The following ZNF589 variants were observed in gnomAD, a reference collection of about 807,000 sequenced individuals.
The protein encoded by ZNF589 is KRAB-zinc finger protein SZF1-1.
ZNF589 carries 17 observed loss-of-function variants against 13.6 expected under a neutral mutation model. That is an observed-to-expected ratio of 1.25 (90% CI 0.86 to 1.88). The LOEUF is 1.88. Ranked by LOEUF, ZNF589 falls within the 40% of genes most tolerant of loss-of-function variation. The pLI is 0.00. For missense variants in ZNF589, 407 were observed against 434.0 expected, an observed-to-expected ratio of 0.94 and a Z score of 0.55; for synonymous variants, 148 against 161.6, an observed-to-expected ratio of 0.92 and a Z score of 0.64.
At chr3:48,244,310 C>T (rs750006965) in intron 1 of ZNF589, among the ~76,000 whole-genome samples, 2 of 148,882 alleles carry the variant, frequency 1.3e-5, no homozygotes, top group African/African-American at 2.6e-5. Context: ...CTCAGTTTTT[C>T]TTCTTCTAAA....
chr3:48,242,692 T>C (rs1201407182), intron 1 of ZNF589, among the ~76,000 whole-genome samples: 1 of 152,210 alleles, frequency 6.6e-6, no homozygotes, highest in Non-Finnish European at 1.5e-5. Flanking sequence ...GGTCTGCTGT[T>C]GTGTGAAAGC....
rs573143095 is a variant in ZNF589, at chr3:48,260,175, T to G, written c.97-638T>G. On this transcript the variant is annotated intron_variant, in intron 2 of 3. Coordinates refer to ENST00000354698, the MANE Select transcript of ZNF589 (RefSeq NM_016089.3). Reference sequence around the variant, plus strand: ...TTTTTGAGACAGGGTCTCGCTCTGGTCACCCAGGCTGGAGTGCAATGGTGC... The same window carrying G: ...TTTTTGAGACAGGGTCTCGCTCTGGGCACCCAGGCTGGAGTGCAATGGTGC... Among the ~76,000 whole-genome samples the G allele has an allele frequency of 3.3e-5, 5 of 152,284 alleles. No individual in the cohort carries two copies. The South Asian group carries it at 1.0e-3, about 32-fold the overall frequency.
At chr3:48,244,766 C>T (rs1324890145) in intron 1 of ZNF589, among the ~76,000 whole-genome samples, 1 of 150,712 alleles carries the variant, frequency 6.6e-6, no homozygotes, top group Non-Finnish European at 1.5e-5. Flanking sequence ...AGTAACTGCA[C>T]TATTACTCTG....
intron 2 of ZNF589, 102 bp downstream of exon 2, chr3:48,247,779 A>G: frequency 1.5e-6 from 2 of 1,332,448 alleles, no homozygotes; most frequent in South Asian, 2.6e-5. Flanking sequence ...TTAACATTTA[A>G]GTGGTTTATG....
intron 1 of ZNF589, among the ~76,000 whole-genome samples, chr3:48,243,627 C>G (rs1485205178): frequency 6.6e-6 from 1 of 152,026 alleles, no homozygotes; most frequent in Non-Finnish European, 1.5e-5. Context: ...GCCTGGCCAA[C>G]ATAGTGAACC....
At chr3:48,259,972 T>C (rs1345967590) in intron 2 of ZNF589, among the ~76,000 whole-genome samples, 1 of 150,336 alleles carries the variant, frequency 6.7e-6, no homozygotes, top group East Asian at 2.0e-4. Flanking sequence ...GGAATACCCA[T>C]AGGCTGAAGC....
rs775296801 is a variant in ZNF589, at chr3:48,247,598, C to T, written c.44-27C>T. 3 of 1,610,988 alleles carry T rather than the reference C, an allele frequency of 1.9e-6. No homozygotes were observed. In the Admixed American group the frequency reaches 5.0e-5, roughly 27 times the overall value. On this transcript the variant is annotated intron_variant, in intron 1 of 3. Transcript: ENST00000354698. ...ATGATGGGCCTGGTAGGGCTGGCTT[C>T]TCAAGGTTGCTTCTTTCTTTCCCCA...
intron 2 of ZNF589, among the ~76,000 whole-genome samples, chr3:48,248,649 C>T (rs971469297): frequency 3.3e-5 from 5 of 152,134 alleles, no homozygotes; most frequent in African/African-American, 1.2e-4. Flanking sequence ...TTGTTAAATT[C>T]ACTGTCCTTA....
At chr3:48,263,685 G>A (rs549929874) in intron 3 of ZNF589, among the ~76,000 whole-genome samples, 2 of 152,122 alleles carry the variant, frequency 1.3e-5, no homozygotes, top group South Asian at 2.1e-4. Flanking sequence ...CTTGAACCCC[G>A]GAGGCGGAGG....
intron 2 of ZNF589, chr3:48,257,982 C>G: frequency 2.3e-6 from 1 of 443,578 alleles, no homozygotes; most frequent in Non-Finnish European, 4.5e-6. Flanking sequence ...TATCAGGTAG[C>G]GTGATCTCTC....
At chr3:48,241,316 C>G (rs2033695841) in intron 1 of ZNF589, 102 bp downstream of exon 1, 1 of 1,436,228 alleles carries the variant, frequency 7.0e-7, no homozygotes, top group Admixed American at 2.0e-5. Context: ...GGGGTGCGAG[C>G]TGTGTGAGGC....
chr3:48,251,706 G>C (rs2033840536), intron 2 of ZNF589, among the ~76,000 whole-genome samples: 2 of 151,804 alleles, frequency 1.3e-5, no homozygotes, highest in African/African-American at 4.8e-5. Flanking sequence ...TTTTTGAAAA[G>C]ACTTTCCTTC....
chr3:48,266,130 T>A (rs1218296708), intron 3 of ZNF589, among the ~76,000 whole-genome samples: 1 of 152,208 alleles, frequency 6.6e-6, no homozygotes, highest in Admixed American at 6.5e-5. Context: ...TAAAGGTCTA[T>A]GTTCTATAAA....
chr3:48,265,431 C>T (rs2034010001), intron 3 of ZNF589, among the ~76,000 whole-genome samples: 1 of 151,622 alleles, frequency 6.6e-6, no homozygotes. Flanking sequence ...GGATTACAGG[C>T]CGGCGCCACC....
Position 48,269,392 on chromosome 3 carries a change from T to G in ZNF589, c.*606T>G. 1.7e-6 allele frequency: 1 copy of G among 577,060 alleles called. No individual in the cohort carries two copies. Among genetic ancestry groups the G allele is most frequent in the Non-Finnish European group, 3.0e-6 (1 of 337,822 alleles). 35.7% of individuals were successfully genotyped at this position (577,060 alleles called of 1,614,324 possible). On this transcript the variant is annotated 3_prime_UTR_variant, in exon 4 of 4. Transcript: ENST00000354698. The stretch of plus-strand genomic sequence containing the variant: ...GCCAGTGTGGGCGAGGCTTTTGTGA[T>G]AAATCAACTCTCCTCGCACACGAGC...
chr3:48,241,127 A>C lies in ZNF589; in HGVS notation c.-45A>C, dbSNP rs1213609078. ...GTGCGCATTCTAATCCGTTTCACACACGGTGCTGCTACCTCGTTTGCTTCG... is the reference window on the plus strand; with the variant it reads ...GTGCGCATTCTAATCCGTTTCACACCCGGTGCTGCTACCTCGTTTGCTTCG... On this transcript the variant is annotated 5_prime_UTR_variant, in exon 1 of 4. Transcript: ENST00000354698. 1.9e-6 allele frequency: 3 copies of C among 1,612,316 alleles called. No homozygotes were observed. Among genetic ancestry groups the C allele is most frequent in the South Asian group, 2.2e-5 (2 of 90,978 alleles).
Position 48,270,010 on chromosome 3 carries a change from A to G in ZNF589, c.*1224A>G, listed in dbSNP as rs544876525. The G allele has an allele frequency of 8.7e-6, 4 of 457,166 alleles. No homozygotes were observed. In the East Asian group the frequency reaches 2.8e-4, roughly 32 times the overall value. 28.3% of individuals were successfully genotyped at this position (457,166 alleles called of 1,614,324 possible). A position where few individuals can be genotyped will look rare whatever the true frequency, so the allele number is the denominator to read the frequency against. On this transcript the variant is annotated 3_prime_UTR_variant, in exon 4 of 4. Transcript: ENST00000354698. Reference sequence around the variant, plus strand: ...TCCTTTAGATGTGAAGATGACAGAGATCTAACTTCTGAGAGCAGAGGTGTC... The same window carrying G: ...TCCTTTAGATGTGAAGATGACAGAGGTCTAACTTCTGAGAGCAGAGGTGTC...
intron 2 of ZNF589, among the ~76,000 whole-genome samples, chr3:48,253,635 G>T (rs1375466085): frequency 1.3e-5 from 2 of 151,914 alleles, no homozygotes; most frequent in Non-Finnish European, 2.9e-5. Flanking sequence ...GAGTAGCTGG[G>T]ACTACAGGCG....
Position 48,269,032 on chromosome 3 carries a change from G to A in ZNF589, c.*246G>A. 1.4e-6 allele frequency: 1 copy of A among 690,050 alleles called. No homozygotes were observed. The highest frequency in any genetic ancestry group is 2.5e-6 in the Non-Finnish European group (1 of 403,834). The allele number at this position is 690,050 out of a possible 1,614,324, so 42.7% of individuals were successfully genotyped here. A position where few individuals can be genotyped will look rare whatever the true frequency, so the allele number is the denominator to read the frequency against. On this transcript the variant is annotated 3_prime_UTR_variant, in exon 4 of 4. Coordinates refer to ENST00000354698, the MANE Select transcript of ZNF589 (RefSeq NM_016089.3). ...CAGGGGAGAAGCCTTATGTGTGTGG[G>A]GAATGTGGGCGGGGATTTAGCCGGA...
Sources: allele counts gnomAD v4.1 joint callset (sites outside exome capture counted in the v4.1 genomes callset), GRCh38; gene constraint gnomAD v4.1.1; transcripts MANE v1.5; gene names NCBI Gene and HGNC (gene_info 2026-07-23, HGNC 2026-07-21).